Variants in NSMCE2 observed in about 807,000 individuals in gnomAD.
NSMCE2 encodes E3 SUMO-protein ligase NSE2.
In NSMCE2, 24 loss-of-function variants were observed where a neutral mutation model predicts 23.8. The ratio of observed to expected loss-of-function variants is 1.01; its 90% CI spans 0.73 to 1.42. The LOEUF (loss-of-function observed/expected upper bound fraction) is 1.42. Among genes scored for constraint, NSMCE2 ranks in the 40% most tolerant of loss-of-function variants. The probability of loss-of-function intolerance (pLI) is 0.00; values close to 1 mark genes in which losing one functional copy is unlikely to be tolerated. For missense variants in NSMCE2, 284 were observed against 296.5 expected, an observed-to-expected ratio of 0.96 and a Z score of 0.31; for synonymous variants, 92 against 94.1, an observed-to-expected ratio of 0.98 and a Z score of 0.13.
intron 5 of NSMCE2, among the ~76,000 whole-genome samples, chr8:125,203,348 A>G (rs745462191): frequency 6.6e-6 from 1 of 152,146 alleles, no homozygotes; most frequent in Non-Finnish European, 1.5e-5. Flanking sequence ...CATAACTAAT[A>G]TCTAGAAAGA....
chr8:125,199,440 C>G (rs1204479204), intron 5 of NSMCE2, among the ~76,000 whole-genome samples: 1 of 152,144 alleles, frequency 6.6e-6, no homozygotes, highest in Non-Finnish European at 1.5e-5. Flanking sequence ...GTTATTTACC[C>G]AGTAGTCATT....
At chr8:125,312,217 T>G (rs1829000500) in intron 5 of NSMCE2, among the ~76,000 whole-genome samples, 1 of 152,218 alleles carries the variant, frequency 6.6e-6, no homozygotes, top group East Asian at 1.9e-4. Flanking sequence ...TCAAAAGATT[T>G]GTTACATTAT....
intron 3 of NSMCE2, among the ~76,000 whole-genome samples, chr8:125,134,719 T>C (rs891844255): frequency 1.3e-4 from 19 of 148,494 alleles, no homozygotes; most frequent in Non-Finnish European, 1.9e-4. Context: ...TTTTAACGGA[T>C]TCCTTTTTTT....
intron 5 of NSMCE2, among the ~76,000 whole-genome samples, chr8:125,324,629 CA>C (rs1829586280): frequency 2.4e-5 from 1 of 42,276 alleles, no homozygotes; most frequent in African/African-American, 4.6e-5. Flanking sequence ...GGCTGGAGTG[CA>C]GTGGCGCAAT....
chr8:125,210,149 G>C (rs1386621961), intron 5 of NSMCE2, among the ~76,000 whole-genome samples: 2 of 152,106 alleles, frequency 1.3e-5, no homozygotes, highest in Non-Finnish European at 2.9e-5. Flanking sequence ...CAGTTCCTCT[G>C]TCTGTTAAAA....
At chr8:125,256,922 C>CAAAAAAAAAAAAAA (rs60308659) in intron 5 of NSMCE2, among the ~76,000 whole-genome samples, 9 of 26,064 alleles carry the variant, frequency 3.5e-4, no homozygotes, top group African/African-American at 9.9e-4. Flanking sequence ...GACTCTGTGT[C>CAAAAAAAAAAAAAA]AAAAAAAAAA....
At chr8:125,187,399 C>T (rs1213972459) in intron 5 of NSMCE2, among the ~76,000 whole-genome samples, 2 of 152,112 alleles carry the variant, frequency 1.3e-5, no homozygotes, top group African/African-American at 2.4e-5. Flanking sequence ...CAATATGATT[C>T]GGTTTAAGGC....
At chr8:125,215,427 A>G (rs1376604349) in intron 5 of NSMCE2, among the ~76,000 whole-genome samples, 1 of 151,690 alleles carries the variant, frequency 6.6e-6, no homozygotes, top group Non-Finnish European at 1.5e-5. Flanking sequence ...ACATTTTCTT[A>G]ATCCAGTCTA....
chr8:125,137,406 G>A (rs748469980), intron 3 of NSMCE2, among the ~76,000 whole-genome samples: 2 of 152,080 alleles, frequency 1.3e-5, no homozygotes, highest in East Asian at 3.8e-4. Flanking sequence ...GACCCTATTC[G>A]TATCTTTTTC....
chr8:125,348,426 G>A (rs1000706770), intron 5 of NSMCE2: 6 of 152,120 alleles, frequency 3.9e-5, no homozygotes, highest in Non-Finnish European at 5.9e-5. Context: ...CATGATCTCC[G>A]TCTGAATTCT....
At chr8:125,185,233 T>G (rs574363085) in intron 5 of NSMCE2, among the ~76,000 whole-genome samples, 1 of 152,314 alleles carries the variant, frequency 6.6e-6, no homozygotes, top group Admixed American at 6.5e-5. Context: ...GCACCAGCTG[T>G]AAGTTAATCT....
intron 3 of NSMCE2, among the ~76,000 whole-genome samples, chr8:125,145,565 C>G (rs575743293): frequency 3.5e-4 from 54 of 152,168 alleles, no homozygotes; most frequent in African/African-American, 1.3e-3. Flanking sequence ...TTAACGAAAG[C>G]AAGGGCTGGC....
intron 5 of NSMCE2, among the ~76,000 whole-genome samples, chr8:125,300,894 A>G (rs549904454): frequency 1.1e-3 from 164 of 152,320 alleles, no homozygotes; most frequent in African/African-American, 3.8e-3. Context: ...AGAACATTCC[A>G]CCTGGGCTCT....
intron 5 of NSMCE2, among the ~76,000 whole-genome samples, chr8:125,294,391 A>G (rs9297714): frequency 0.85 from 129,591 of 152,096 alleles, 55,191 homozygotes; most frequent in Middle Eastern, 0.91. Context: ...CTTTTCCAAA[A>G]GGACTGCGCC....
chr8:125,228,043 G>A (rs1825175302), intron 5 of NSMCE2, among the ~76,000 whole-genome samples: 1 of 151,990 alleles, frequency 6.6e-6, no homozygotes, highest in African/African-American at 2.4e-5. Flanking sequence ...AGTTGATATT[G>A]TCAATTTTTA....
At chr8:125,320,880 A>T (rs976208012) in intron 5 of NSMCE2, among the ~76,000 whole-genome samples, 3 of 152,240 alleles carry the variant, frequency 2.0e-5, no homozygotes, top group Admixed American at 6.5e-5. Context: ...TGTACAGGAA[A>T]CATGATGGTG....
intron 4 of NSMCE2, among the ~76,000 whole-genome samples, chr8:125,179,494 G>A (rs1822683975): frequency 2.0e-5 from 3 of 152,090 alleles, no homozygotes; most frequent in Admixed American, 6.5e-5. Context: ...AATAGTTAGT[G>A]CCCATTTGTT....
chr8:125,158,322 G>A (rs185965999), intron 4 of NSMCE2, among the ~76,000 whole-genome samples: 16 of 152,274 alleles, frequency 1.1e-4, no homozygotes, highest in Admixed American at 7.2e-4. Flanking sequence ...AAAAACATGC[G>A]GTGAATGCTT....
chr8:125,347,443 A>G (rs1812821567), intron 5 of NSMCE2, among the ~76,000 whole-genome samples: 1 of 152,142 alleles, frequency 6.6e-6, no homozygotes, highest in Non-Finnish European at 1.5e-5. Flanking sequence ...AAATGTATAT[A>G]TTTCACTGAT....
Sources: allele counts gnomAD v4.1 joint callset (sites outside exome capture counted in the v4.1 genomes callset), GRCh38; gene constraint gnomAD v4.1.1; transcripts MANE v1.5; gene names NCBI Gene and HGNC (gene_info 2026-07-23, HGNC 2026-07-21).